Variants in GPHN observed in about 807,000 individuals in gnomAD.
GPHN encodes gephyrin.
Under a neutral mutation model 95.5 loss-of-function variants are expected in GPHN, and 17 were observed. The ratio of observed to expected loss-of-function variants is 0.18; its 90% confidence interval spans 0.12 to 0.27. The LOEUF (loss-of-function observed/expected upper bound fraction) is 0.27, where lower values mean the gene tolerates loss of function less well. Among genes scored for constraint, GPHN ranks in the 10% least tolerant of loss-of-function variants. The pLI, the probability that GPHN is intolerant of heterozygous loss-of-function variation, is 1.00. For synonymous variants in GPHN, 320 were observed against 322.5 expected (o/e 0.99, Z 0.08); for missense variants, 660 against 978.1 (o/e 0.67, Z 4.34).
chr14:67,398,474 C>G, the GPHN span, among the ~76,000 whole-genome samples: 13 of 152,218 alleles, frequency 8.5e-5, no homozygotes, highest in African/African-American at 2.6e-4. Flanking sequence ...CCTAAACTAC[C>G]CTTCTCTTTA....
the GPHN span, among the ~76,000 whole-genome samples, chr14:67,267,732 C>T: frequency 2.0e-5 from 3 of 152,098 alleles, no homozygotes; most frequent in Non-Finnish European, 2.9e-5. Flanking sequence ...GAAAACATTT[C>T]CTCCTTGCCT....
At chr14:67,296,098 T>C in the GPHN span, among the ~76,000 whole-genome samples, 1 of 148,998 alleles carries the variant, frequency 6.7e-6, no homozygotes, top group African/African-American at 2.5e-5. Flanking sequence ...TTTGGGAGGA[T>C]GGGAAGGATG....
the GPHN span, among the ~76,000 whole-genome samples, chr14:67,419,173 A>G: frequency 1.3e-5 from 2 of 152,036 alleles, no homozygotes; most frequent in African/African-American, 4.8e-5. Context: ...CTTTCCCTAA[A>G]TGTTATTCCT....
chr14:67,582,234 G>A, the GPHN span: 3 of 1,613,400 alleles, frequency 1.9e-6, no homozygotes, highest in East Asian at 2.2e-5. The surrounding 1 kb of genome is among the most constrained non-coding windows in gnomAD (Gnocchi z 5.0). Context: ...CAGGAAGCAG[G>A]AGGGTCGGGT....
At chr14:67,192,413 C>T in the GPHN span, among the ~76,000 whole-genome samples, 1 of 151,724 alleles carries the variant, frequency 6.6e-6, no homozygotes, top group African/African-American at 2.4e-5. Context: ...GAACAATCAA[C>T]ATGTATTTTT....
chr14:66,541,609 A>G (rs2059355685), intron 1 of GPHN, among the ~76,000 whole-genome samples: 1 of 152,208 alleles, frequency 6.6e-6, no homozygotes, highest in Non-Finnish European at 1.5e-5. Flanking sequence ...CTGCAGAGAA[A>G]TGTGAAAGTG....
the GPHN span, among the ~76,000 whole-genome samples, chr14:67,408,475 G>T: frequency 6.6e-6 from 1 of 152,220 alleles, no homozygotes; most frequent in Non-Finnish European, 1.5e-5. Context: ...TGAAAATAGG[G>T]TCTTTGCAGA....
At chr14:67,475,964 C>T in the GPHN span, among the ~76,000 whole-genome samples, 5 of 152,226 alleles carry the variant, frequency 3.3e-5, no homozygotes, top group East Asian at 1.9e-4. Flanking sequence ...GACGCAGGCC[C>T]GTCCTGGGCA....
chr14:66,551,586 G>A (rs1353464101), intron 1 of GPHN, among the ~76,000 whole-genome samples: 1 of 152,180 alleles, frequency 6.6e-6, no homozygotes, highest in Non-Finnish European at 1.5e-5. Context: ...CTAGACACCT[G>A]TATTAGTCCA....
chr14:66,899,635 A>G (rs2065032301), intron 5 of GPHN, among the ~76,000 whole-genome samples: 1 of 152,008 alleles, frequency 6.6e-6, no homozygotes, highest in African/African-American at 2.4e-5. Flanking sequence ...CCTAGTATAT[A>G]GTTCTTTTTA....
chr14:66,586,730 G>A (rs2061435717), intron 1 of GPHN, among the ~76,000 whole-genome samples: 1 of 152,108 alleles, frequency 6.6e-6, no homozygotes, highest in African/African-American at 2.4e-5. Flanking sequence ...CTCTCTTCTG[G>A]CTTGTAGAGT....
the GPHN span, among the ~76,000 whole-genome samples, chr14:67,657,775 GTCTCGCTC>G: frequency 7.3e-6 from 1 of 136,314 alleles, no homozygotes; most frequent in Non-Finnish European, 1.6e-5. Context: ...TTTTGAGACA[GTCTCGCTC>G]TGTCGCCCGG....
downstream of GPHN, among the ~76,000 whole-genome samples, chr14:67,183,403 T>G (rs974867334): frequency 2.6e-5 from 4 of 152,150 alleles, no homozygotes; most frequent in Admixed American, 6.5e-5. Context: ...ATGTTCAATT[T>G]TCACAACCCT....
At chr14:66,592,306 A>C (rs34742471) in intron 1 of GPHN, among the ~76,000 whole-genome samples, 1 of 152,174 alleles carries the variant, frequency 6.6e-6, no homozygotes, top group Non-Finnish European at 1.5e-5. Context: ...GATAAATGGG[A>C]TCTAATTAAA....
chr14:66,597,247 C>T (rs2062022465), intron 1 of GPHN, among the ~76,000 whole-genome samples: 1 of 152,134 alleles, frequency 6.6e-6, no homozygotes, highest in Admixed American at 6.5e-5. Flanking sequence ...GTAAGGACAG[C>T]TCAAAAACCC....
chr14:66,558,487 T>C lies in GPHN; in HGVS notation c.64+49896T>C, dbSNP rs142228233. Among the ~76,000 whole-genome samples, 394 of 152,280 alleles carry C rather than the reference T, an allele frequency of 2.6e-3. 2 individuals carry two copies. The highest frequency in any genetic ancestry group is 9.0e-3 in the African/African-American group (373 of 41,582). ...ATCTGATTTTACTATCTGTATCTTA[T>C]ATAATGATATTCATCAAACCCCTGT... is the stretch of plus-strand genomic sequence containing the variant. On this transcript the variant is annotated intron_variant, in intron 1 of 22. Coordinates refer to ENST00000478722, the MANE Select transcript of GPHN (RefSeq NM_020806.5).
chr14:67,725,527 T>C, the GPHN span, among the ~76,000 whole-genome samples: 1 of 152,200 alleles, frequency 6.6e-6, no homozygotes, highest in Non-Finnish European at 1.5e-5. Flanking sequence ...GTGGCCACAA[T>C]GCCACTCTCT....
intron 1 of GPHN, among the ~76,000 whole-genome samples, chr14:66,583,590 A>C (rs1042162836): frequency 6.6e-6 from 1 of 152,134 alleles, no homozygotes; most frequent in African/African-American, 2.4e-5. Context: ...ATCCAGTTTC[A>C]GCTTTCTCCA....
intron 10 of GPHN, among the ~76,000 whole-genome samples, chr14:67,046,714 T>C (rs2153639480): frequency 6.6e-6 from 1 of 152,274 alleles, no homozygotes; most frequent in Admixed American, 6.5e-5. Flanking sequence ...CTCATTGTCT[T>C]GAATAAGCAA....
Sources: allele counts gnomAD v4.1 joint callset (sites outside exome capture counted in the v4.1 genomes callset), GRCh38; gene constraint gnomAD v4.1.1; non-coding constraint Gnocchi (gnomAD v3.1); transcripts MANE v1.5; gene names NCBI Gene and HGNC (gene_info 2026-07-23, HGNC 2026-07-21).